IL34: variants seen among roughly 807,000 people sequenced by gnomAD.
IL34 encodes interleukin-34.
In IL34, 17 loss-of-function variants were observed where a neutral mutation model predicts 25.3. The ratio of observed to expected loss-of-function variants is 0.67; its 90% CI spans 0.46 to 1.01. The LOEUF (loss-of-function observed/expected upper bound fraction) is 1.01. IL34 is among the 50% of genes least tolerant of loss of function. The pLI, the probability that IL34 is intolerant of heterozygous loss-of-function variation, is 0.00. For synonymous variants in IL34, 174 were observed against 140.9 expected (o/e 1.23, Z -1.66); for missense variants, 368 against 312.9 (o/e 1.18, Z -1.33).
intron 1 of IL34, among the ~76,000 whole-genome samples, chr16:70,632,607 G>GA (rs771599179): frequency 4.5e-4 from 69 of 152,306 alleles, no homozygotes; most frequent in Admixed American, 9.2e-4. Flanking sequence ...CTTTCCAATG[G>GA]AGCATCTGCA....
intron 1 of IL34, among the ~76,000 whole-genome samples, chr16:70,625,388 G>A (rs895331874): frequency 1.3e-5 from 2 of 152,058 alleles, no homozygotes; most frequent in South Asian, 2.1e-4. Flanking sequence ...AGGTTGGGGT[G>A]CGGAAATAAG....
chr16:70,630,202 C>G (rs1309068735), intron 1 of IL34, among the ~76,000 whole-genome samples: 1 of 152,058 alleles, frequency 6.6e-6, no homozygotes, highest in Non-Finnish European at 1.5e-5. Context: ...CTGAATAGTA[C>G]TCCATTCTGT....
intron 4 of IL34, among the ~76,000 whole-genome samples, chr16:70,657,675 T>C (rs547102650): frequency 3.9e-4 from 59 of 152,246 alleles, no homozygotes; most frequent in African/African-American, 7.2e-4. Flanking sequence ...CTCAGGAGGC[T>C]GAGGCAGGAG....
At chr16:70,622,032 G>GATGGC (rs1170571939) in intron 1 of IL34, among the ~76,000 whole-genome samples, 2 of 152,058 alleles carry the variant, frequency 1.3e-5, no homozygotes, top group Non-Finnish European at 2.9e-5. Context: ...CAGGGGATGT[G>GATGGC]ATGGCTTGGC....
chr16:70,587,277 CT>C (rs1215186716), intron 1 of IL34, among the ~76,000 whole-genome samples: 21 of 147,870 alleles, frequency 1.4e-4, no homozygotes, highest in East Asian at 5.9e-4. Context: ...CTGAGTTTTG[CT>C]TTTTTTTTTG....
At chr16:70,640,815 C>T (rs2051763992) in intron 1 of IL34, among the ~76,000 whole-genome samples, 1 of 152,080 alleles carries the variant, frequency 6.6e-6, no homozygotes, top group South Asian at 2.1e-4. Flanking sequence ...CCTTCACCTC[C>T]CAAAATTCCC....
At chr16:70,629,225 C>A (rs2051463861) in intron 1 of IL34, among the ~76,000 whole-genome samples, 1 of 152,088 alleles carries the variant, frequency 6.6e-6, no homozygotes, top group African/African-American at 2.4e-5. Context: ...TTGGCTATTA[C>A]CTTCTGTGTA....
intron 1 of IL34, among the ~76,000 whole-genome samples, chr16:70,601,873 A>G (rs1218559721): frequency 6.6e-6 from 1 of 152,234 alleles, no homozygotes; most frequent in Non-Finnish European, 1.5e-5. Flanking sequence ...GGAGACAAGG[A>G]CACTGAGCTG....
At chr16:70,634,225 C>T (rs768237481) in intron 1 of IL34, among the ~76,000 whole-genome samples, 1 of 152,096 alleles carries the variant, frequency 6.6e-6, no homozygotes. Context: ...TCTAATTTGA[C>T]TAATGATGTA....
chr16:70,651,131 A>G (rs947315458), intron 1 of IL34, among the ~76,000 whole-genome samples: 1 of 151,898 alleles, frequency 6.6e-6, no homozygotes, highest in Non-Finnish European at 1.5e-5. Flanking sequence ...GGTGCTGGAG[A>G]CAGAGACCGA....
intron 4 of IL34, among the ~76,000 whole-genome samples, chr16:70,659,282 T>C (rs924354429): frequency 2.6e-5 from 4 of 152,230 alleles, no homozygotes; most frequent in African/African-American, 7.2e-5. Flanking sequence ...GGGACAGTTT[T>C]CCCCAGGTCA....
chr16:70,643,676 G>A (rs903941832), upstream of IL34, among the ~76,000 whole-genome samples: 2 of 152,160 alleles, frequency 1.3e-5, no homozygotes, highest in African/African-American at 2.4e-5. Flanking sequence ...CACGCAGCCT[G>A]TACACTTTAA....
Position 70,659,744 on chromosome 16 carries a change from T to C in IL34, c.529T>C (p.Cys177Arg). ...CTTCCGGGTCATGGAGCTGCTGTAC[T>C]GCTCCTGCTGTAAGGAGCTCTCAGG... ...NCFRVMELLYCSCCKQSSVLN... is the reference protein window; with the variant it reads ...NCFRVMELLYRSCCKQSSVLN... The change falls in exon 5 of 6, where the codon TGC (cysteine) becomes CGC (arginine). Residue 177 changes from cysteine to arginine, a missense_variant. Coordinates refer to ENST00000288098, the MANE Select transcript of IL34 (RefSeq NM_001393494.1). 6.2e-7 allele frequency: 1 copy of C among 1,600,938 alleles called. No individual in the cohort carries two copies. Among genetic ancestry groups the C allele is most frequent in the East Asian group, 2.2e-5 (1 of 44,512 alleles).
chr16:70,609,689 T>C (rs866729560), intron 1 of IL34, among the ~76,000 whole-genome samples: 4 of 152,102 alleles, frequency 2.6e-5, no homozygotes, highest in Non-Finnish European at 4.4e-5. Context: ...GTATGGCTGC[T>C]CTGAGGGGTA....
At chr16:70,580,618 T>G (rs1056522906) in intron 1 of IL34, among the ~76,000 whole-genome samples, 1 of 151,918 alleles carries the variant, frequency 6.6e-6, no homozygotes, top group Non-Finnish European at 1.5e-5. Flanking sequence ...CTGTCTCTAC[T>G]AAAAATACAA....
chr16:70,584,228 C>T (rs2050666095), intron 1 of IL34, among the ~76,000 whole-genome samples: 1 of 152,172 alleles, frequency 6.6e-6, no homozygotes, highest in Admixed American at 6.5e-5. Flanking sequence ...CGTGTGAGGG[C>T]CACGTCTCAT....
intron 1 of IL34, among the ~76,000 whole-genome samples, chr16:70,647,753 T>C (rs535204030): frequency 6.6e-6 from 1 of 152,262 alleles, no homozygotes; most frequent in African/African-American, 2.4e-5. Flanking sequence ...GGTATGAGCC[T>C]GCGAGGGATT....
chr16:70,657,453 G>A (rs929225918), intron 4 of IL34: 6 of 264,230 alleles, frequency 2.3e-5, no homozygotes, highest in Non-Finnish European at 4.3e-5. Context: ...GTGGGGTAGG[G>A]GGAGAGGGGA....
intron 1 of IL34, among the ~76,000 whole-genome samples, chr16:70,601,267 T>A (rs2050912815): frequency 6.6e-6 from 1 of 152,056 alleles, no homozygotes; most frequent in African/African-American, 2.4e-5. Flanking sequence ...TTTATTTATT[T>A]AAAAATAATA....
Sources: allele counts gnomAD v4.1 joint callset (sites outside exome capture counted in the v4.1 genomes callset), GRCh38; gene constraint gnomAD v4.1.1; transcripts MANE v1.5; gene names NCBI Gene and HGNC (gene_info 2026-07-23, HGNC 2026-07-21).